The following LRRIQ1 variants were observed in gnomAD, a reference collection of about 807,000 sequenced individuals.
LRRIQ1 encodes the protein leucine-rich repeat- and IQ domain-containing protein 1.
In LRRIQ1, 210 loss-of-function variants were observed where a neutral mutation model predicts 211.9. That is an observed-to-expected ratio of 0.99 (90% CI 0.89 to 1.11). The LOEUF (loss-of-function observed/expected upper bound fraction) is 1.11. Among genes scored for constraint, LRRIQ1 ranks in the 50% most tolerant of loss-of-function variants. The probability of loss-of-function intolerance (pLI) is 0.00; values close to 1 mark genes in which losing one functional copy is unlikely to be tolerated. For synonymous variants in LRRIQ1, 699 were observed against 650.1 expected (o/e 1.08, Z -1.14); for missense variants, 2,136 against 1,939.5 (o/e 1.10, Z -1.90).
At chr12:85,059,326 G>A (rs73379753) in intron 8 of LRRIQ1, among the ~76,000 whole-genome samples, 2,507 of 151,968 alleles carry the variant, frequency 0.016, 69 homozygotes, top group African/African-American at 0.058. Flanking sequence ...ACATTGCCAG[G>A]CAAATAAAGA....
At chr12:85,243,313 T>TTTTTTATTA in intron 26 of LRRIQ1, among the ~76,000 whole-genome samples, 1 of 140,720 alleles carries the variant, frequency 7.1e-6, no homozygotes, top group South Asian at 2.2e-4. Context: ...ATGTATAACT[T>TTTTTTATTA]TTATTATTAT....
chr12:85,120,108 A>G (rs1243076086), intron 15 of LRRIQ1, among the ~76,000 whole-genome samples: 2 of 152,202 alleles, frequency 1.3e-5, no homozygotes, highest in Admixed American at 1.3e-4. Context: ...AAAAATCATC[A>G]TCATACCAAA....
intron 24 of LRRIQ1, among the ~76,000 whole-genome samples, chr12:85,166,644 G>A (rs1018151033): frequency 1.3e-5 from 2 of 152,186 alleles, no homozygotes; most frequent in African/African-American, 4.8e-5. Flanking sequence ...TTCCCTAGCT[G>A]TTTATAGTAC....
intron 19 of LRRIQ1, among the ~76,000 whole-genome samples, chr12:85,138,577 G>A (rs7956264): frequency 1.3e-5 from 2 of 151,336 alleles, no homozygotes; most frequent in African/African-American, 2.4e-5. Flanking sequence ...AGTTTCTCAG[G>A]ACATAAAATT....
chr12:85,134,393 T>C, intron 18 of LRRIQ1, among the ~76,000 whole-genome samples: 1 of 152,096 alleles, frequency 6.6e-6, no homozygotes, highest in East Asian at 1.9e-4. Context: ...TACAGTTTAG[T>C]TCCCTTGTGT....
intron 24 of LRRIQ1, among the ~76,000 whole-genome samples, chr12:85,196,812 A>C (rs765241917): frequency 2.6e-3 from 392 of 152,102 alleles, no homozygotes; most frequent in Non-Finnish European, 4.2e-3. Context: ...GCAACAAAAG[A>C]CAAAATTGAC....
intron 24 of LRRIQ1, among the ~76,000 whole-genome samples, chr12:85,171,136 G>T (rs905387182): frequency 2.4e-4 from 36 of 152,166 alleles, no homozygotes; most frequent in African/African-American, 8.2e-4. Context: ...TGAGGATACG[G>T]AAGAAGAAAT....
At chr12:85,220,889 ACCCCTC>A (rs1337490593) in intron 24 of LRRIQ1, among the ~76,000 whole-genome samples, 1 of 143,232 alleles carries the variant, frequency 7.0e-6, no homozygotes, top group Non-Finnish European at 1.5e-5. Context: ...CTCATTGCAA[ACCCCTC>A]CCCCCAGGTT....
chr12:85,266,287 CATATT>C (rs1896417426), downstream of LRRIQ1, among the ~76,000 whole-genome samples: 1 of 151,972 alleles, frequency 6.6e-6, no homozygotes, highest in Non-Finnish European at 1.5e-5. Flanking sequence ...TAATGAGAGC[CATATT>C]ATATTTGACA....
chr12:85,166,130 C>A (rs1891147882), intron 24 of LRRIQ1, among the ~76,000 whole-genome samples: 1 of 152,128 alleles, frequency 6.6e-6, no homozygotes, highest in Non-Finnish European at 1.5e-5. Context: ...CACTTTCCTG[C>A]CCTCATCTAC....
At chr12:85,170,264 GTATATA>G (rs35828890) in intron 24 of LRRIQ1, among the ~76,000 whole-genome samples, 85 of 147,782 alleles carry the variant, frequency 5.8e-4, no homozygotes, top group African/African-American at 9.3e-4. Flanking sequence ...TGTGCATATT[GTATATA>G]TATATATATA....
chr12:85,249,846 C>A (rs570200505), downstream of LRRIQ1, among the ~76,000 whole-genome samples: 1 of 151,658 alleles, frequency 6.6e-6, no homozygotes, highest in Non-Finnish European at 1.5e-5. Context: ...TTATAAAAAG[C>A]GCTCTATGAT....
At chr12:85,168,385 C>T (rs1038009712) in intron 24 of LRRIQ1, among the ~76,000 whole-genome samples, 1 of 152,118 alleles carries the variant, frequency 6.6e-6, no homozygotes, top group Non-Finnish European at 1.5e-5. Context: ...GCCAATCACC[C>T]CAGCCAACAC....
intron 24 of LRRIQ1, among the ~76,000 whole-genome samples, chr12:85,205,143 G>T (rs1893480150): frequency 6.6e-6 from 1 of 152,098 alleles, no homozygotes; most frequent in South Asian, 2.1e-4. Flanking sequence ...TTTGCCCGCT[G>T]CCATCCATGT....
chr12:85,175,938 G>A (rs1464903172), intron 24 of LRRIQ1, among the ~76,000 whole-genome samples: 1 of 152,132 alleles, frequency 6.6e-6, no homozygotes, highest in African/African-American at 2.4e-5. Context: ...GTCAGGTAGT[G>A]TGATGCCTCC....
chr12:85,141,072 T>C (rs1889500522), intron 19 of LRRIQ1, among the ~76,000 whole-genome samples: 1 of 151,350 alleles, frequency 6.6e-6, no homozygotes, highest in South Asian at 2.1e-4. Flanking sequence ...TCGTATTATG[T>C]TGGCCTTATA....
chr12:85,054,034 A>G (rs1880672604), intron 7 of LRRIQ1, among the ~76,000 whole-genome samples: 1 of 152,138 alleles, frequency 6.6e-6, no homozygotes, highest in Non-Finnish European at 1.5e-5. Context: ...TTGCATATTT[A>G]TTTTTGCCTG....
chr12:85,160,808 A>T, intron 24 of LRRIQ1, 94 bp downstream of exon 24: 1 of 557,520 alleles, frequency 1.8e-6, no homozygotes, highest in Non-Finnish European at 2.8e-6. Flanking sequence ...TTAATCATAA[A>T]GTATATATAT....
At chr12:85,143,053 A>G (rs1458808020) in intron 19 of LRRIQ1, among the ~76,000 whole-genome samples, 1 of 151,554 alleles carries the variant, frequency 6.6e-6, no homozygotes, top group Non-Finnish European at 1.5e-5. Context: ...ATAATGGCTT[A>G]TACTAATTTA....
Sources: allele counts gnomAD v4.1 joint callset (sites outside exome capture counted in the v4.1 genomes callset), GRCh38; gene constraint gnomAD v4.1.1; transcripts MANE v1.5; gene names NCBI Gene and HGNC (gene_info 2026-07-23, HGNC 2026-07-21).